Variants in MDGA2 observed in about 807,000 individuals in gnomAD.
The protein encoded by MDGA2 is MAM domain containing glycosylphosphatidylinositol anchor 2.
A neutral mutation model predicts 117.8 loss-of-function variants in MDGA2; 40 were observed. That is an observed-to-expected ratio of 0.34 (90% CI 0.26 to 0.44). The LOEUF (loss-of-function observed/expected upper bound fraction) is 0.44. MDGA2 is among the 20% of genes least tolerant of loss of function. The pLI, the probability that MDGA2 is intolerant of heterozygous loss-of-function variation, is 1.00. For missense variants in MDGA2, 1,123 were observed against 1,250.6 expected (o/e 0.90, Z 1.54); for synonymous variants, 452 against 439.0 (o/e 1.03, Z -0.37).
chr14:47,469,550 T>A (rs948232597), intron 1 of MDGA2, among the ~76,000 whole-genome samples: 1 of 152,128 alleles, frequency 6.6e-6, no homozygotes, highest in Non-Finnish European at 1.5e-5. Flanking sequence ...ATCCAGTCTA[T>A]CGTTGTTGGA....
At chr14:47,557,299 C>T (rs545568424) in intron 1 of MDGA2, among the ~76,000 whole-genome samples, 7 of 152,118 alleles carry the variant, frequency 4.6e-5, no homozygotes, top group South Asian at 2.1e-4. Flanking sequence ...AGGATGGACA[C>T]GTTTTAGTAT....
chr14:47,119,910 A>T (rs1881560174), intron 5 of MDGA2, among the ~76,000 whole-genome samples: 1 of 152,150 alleles, frequency 6.6e-6, no homozygotes, highest in African/African-American at 2.4e-5. Flanking sequence ...ATTTGCACTT[A>T]ATATGTGACA....
At chr14:47,374,291 T>C (rs990189210) in intron 1 of MDGA2, among the ~76,000 whole-genome samples, 4 of 152,128 alleles carry the variant, frequency 2.6e-5, no homozygotes, top group Non-Finnish European at 5.9e-5. Flanking sequence ...AGAGAAGTCC[T>C]GAGTTCTCAT....
intron 1 of MDGA2, among the ~76,000 whole-genome samples, chr14:47,643,780 A>G (rs905795004): frequency 3.3e-5 from 5 of 152,166 alleles, no homozygotes; most frequent in Admixed American, 1.3e-4. Context: ...TAAATTTAGG[A>G]ACAACCAAGG....
intron 5 of MDGA2, among the ~76,000 whole-genome samples, chr14:47,127,804 T>A (rs1881981643): frequency 6.6e-6 from 1 of 152,158 alleles, no homozygotes; most frequent in African/African-American, 2.4e-5. Flanking sequence ...GCCAAATTTT[T>A]TTTTTTAATA....
At chr14:46,960,627 T>C (rs544192135) in intron 8 of MDGA2, 95 of 152,104 alleles carry the variant, frequency 6.2e-4, no homozygotes, top group African/African-American at 2.2e-3. Flanking sequence ...TATGTATGTC[T>C]GTATGTATGT....
intron 1 of MDGA2, among the ~76,000 whole-genome samples, chr14:47,407,615 G>A (rs1052119267): frequency 3.9e-5 from 6 of 152,010 alleles, no homozygotes; most frequent in Non-Finnish European, 7.4e-5. Context: ...AGAAGGATAT[G>A]GGAATGCATT....
intron 9 of MDGA2, among the ~76,000 whole-genome samples, chr14:46,934,514 C>G (rs1884707767): frequency 6.6e-6 from 1 of 152,120 alleles, no homozygotes; most frequent in African/African-American, 2.4e-5. Flanking sequence ...ATCATAATTA[C>G]TGAACTGACA....
chr14:47,653,510 A>T (rs1473786452), intron 1 of MDGA2, among the ~76,000 whole-genome samples: 3 of 152,170 alleles, frequency 2.0e-5, no homozygotes, highest in Admixed American at 1.3e-4. Context: ...GGAAAATGGA[A>T]AGATGACACT....
rs191429805 is a variant in MDGA2 at position 47,627,991 on chromosome 14, C to T, written c.280+46526G>A. On this transcript the variant is annotated intron_variant, in intron 1 of 16. Transcript: ENST00000399232. ...CACCGTGAGGGTCCGCGGCTTCATT[C>T]TTGAAGTCAGTGAGACCAACAACCC... Among the ~76,000 whole-genome samples, 286 of 152,316 alleles carry T rather than the reference C, an allele frequency of 1.9e-3. 1 individual carries two copies. The highest frequency in any genetic ancestry group is 6.5e-3 in the African/African-American group (270 of 41,566).
chr14:47,674,256 G>A (rs1898132161), intron 1 of MDGA2, among the ~76,000 whole-genome samples: 1 of 152,146 alleles, frequency 6.6e-6, no homozygotes, highest in African/African-American at 2.4e-5. Context: ...GATAAATCAA[G>A]TGCAAAGCCG....
At chr14:47,150,462 C>T (rs548016309) in intron 3 of MDGA2, among the ~76,000 whole-genome samples, 7 of 152,190 alleles carry the variant, frequency 4.6e-5, no homozygotes, top group East Asian at 1.9e-4. Context: ...TTCTCCACTG[C>T]GTAAAAGGAA....
intron 1 of MDGA2, among the ~76,000 whole-genome samples, chr14:47,518,148 C>T (rs1217237215): frequency 6.6e-6 from 1 of 152,058 alleles, no homozygotes; most frequent in Non-Finnish European, 1.5e-5. Context: ...AGAAATAATT[C>T]TTTCACAGCA....
chr14:47,459,510 C>G (rs138528156), intron 1 of MDGA2, among the ~76,000 whole-genome samples: 1 of 150,796 alleles, frequency 6.6e-6, no homozygotes, highest in Non-Finnish European at 1.5e-5. Context: ...ATCCCTCCCT[C>G]CGTCCCTCTC....
rs1400308528 is a variant in MDGA2 at position 46,842,002 on chromosome 14, C to G, written c.3007G>C (p.Val1003Leu). Residue 1003 changes from valine (V) to leucine (L), a missense_variant, in exon 17 of 17, where the codon GTT (valine) becomes CTT (leucine). By Grantham distance (32) the Val-to-Leu change is conservative. Around this residue, in one of 2 missense-constraint regions of MDGA2, gnomAD observed 890 missense variants for 1,050.3 expected, o/e 0.85. Coordinates refer to ENST00000399232, the MANE Select transcript of MDGA2 (RefSeq NM_001113498.3). ...AGCCATATATGAACCAAAATCCCAA[C>G]AGCACCATCAACGGAATCTAAAGAT... ...LATKNSVDGAVGILVHIWLFP... is the reference protein window; with the variant it reads ...LATKNSVDGALGILVHIWLFP... The G allele has an allele frequency of 6.2e-7, 1 of 1,611,098 alleles. No homozygotes were observed. Among genetic ancestry groups the G allele is most frequent in the East Asian group, 2.2e-5 (1 of 44,762 alleles).
intron 1 of MDGA2, among the ~76,000 whole-genome samples, chr14:47,550,979 G>A (rs1159490790): frequency 6.6e-6 from 1 of 152,108 alleles, no homozygotes; most frequent in Non-Finnish European, 1.5e-5. Flanking sequence ...GAACATGTAG[G>A]AGGCAAACCA....
At chr14:47,391,876 AG>A (rs11299532) in intron 1 of MDGA2, among the ~76,000 whole-genome samples, 109,551 of 151,928 alleles carry the variant, frequency 0.72, 39,762 homozygotes, top group Middle Eastern at 0.82. Context: ...TAAGCAATTT[AG>A]AAGCACTAAT....
In MDGA2 at chr14:47,009,046, A is replaced by G. The variant is rs139448117; in HGVS notation, c.1819+25965T>C. Among the ~76,000 whole-genome samples, 126 of 152,120 alleles carry G rather than the reference A, an allele frequency of 8.3e-4. 2 individuals are homozygous for G. Among genetic ancestry groups the G allele is most frequent in the African/African-American group, 2.9e-3 (122 of 41,550 alleles). ...AATAAAATAATGTGTATTTGTTCCT[A>G]GTGAGTATCACCAGGTTTACGATAT... On this transcript the variant is annotated intron_variant, in intron 8 of 16. Transcript: ENST00000399232.
intron 1 of MDGA2, among the ~76,000 whole-genome samples, chr14:47,444,895 T>C (rs1387330912): frequency 6.6e-6 from 1 of 152,150 alleles, no homozygotes; most frequent in Non-Finnish European, 1.5e-5. Flanking sequence ...AATCTTCATA[T>C]ACCATAACCT....
Sources: gnomAD v4.1 joint callset for allele counts (sites outside exome capture counted in the v4.1 genomes callset) on GRCh38, gnomAD v4.1.1 for gene constraint, gnomAD v4.1.1 regional missense constraint, MANE v1.5 for transcripts, NCBI Gene and HGNC (gene_info 2026-07-23, HGNC 2026-07-21) for gene names.